The following MAPK8IP1 variants were observed in gnomAD, a reference collection of about 807,000 sequenced individuals.
The protein encoded by MAPK8IP1 is mitogen-activated protein kinase 8 interacting protein 1.
A neutral mutation model predicts 72.6 loss-of-function variants in MAPK8IP1; 17 were observed. That is an observed-to-expected ratio of 0.23 (90% CI 0.16 to 0.35). MAPK8IP1 has a LOEUF of 0.35. MAPK8IP1 is among the 10% of genes least tolerant of loss of function. The probability of loss-of-function intolerance (pLI) is 1.00; values close to 1 mark genes in which losing one functional copy is unlikely to be tolerated. For missense variants in MAPK8IP1, 789 were observed against 1,009.7 expected, an observed-to-expected ratio of 0.78 and a Z score of 2.96; for synonymous variants, 401 against 443.4, an observed-to-expected ratio of 0.90 and a Z score of 1.20.
At chr11:45,891,662 C>CT (rs1205685164) in intron 1 of MAPK8IP1, among the ~76,000 whole-genome samples, 1 of 152,238 alleles carries the variant, frequency 6.6e-6, no homozygotes, top group Non-Finnish European at 1.5e-5. Flanking sequence ...TCTCACAACT[C>CT]TGTGTCCATG....
In MAPK8IP1 at chr11:45,906,092, C is replaced by A; in HGVS notation, c.*371C>A. On this transcript the variant is annotated 3_prime_UTR_variant, in exon 12 of 12. Transcript: ENST00000241014. ...CGCTGTGGCTCCTGCCTTGATGAAG[C>A]CCGTGTCCTGCCTTGATGAAGCCTG... is the stretch of plus-strand genomic sequence containing the variant. The A allele has an allele frequency of 2.3e-6, 1 of 432,806 alleles. No homozygotes were observed. The highest frequency in any genetic ancestry group is 4.2e-6 in the Non-Finnish European group (1 of 235,302). 26.8% of individuals were successfully genotyped at this position (432,806 alleles called of 1,614,324 possible).
In MAPK8IP1 at chr11:45,903,731, A is replaced by T. The variant is rs1422054210; in HGVS notation, c.1494-258A>T. The stretch of plus-strand genomic sequence containing the variant: ...CACCCCACCTGACCCTTCTCTAGAC[A>T]AAAGCCTGCGCTTCCCACAGCCTCT... On this transcript the variant is annotated intron_variant, in intron 6 of 11. Transcript: ENST00000241014. The surrounding 1 kb of genome is among the most constrained non-coding windows in gnomAD (Gnocchi z 6.4). Among the ~76,000 whole-genome samples, 1 of 151,980 alleles carries T rather than the reference A, an allele frequency of 6.6e-6. No homozygotes were observed. The highest frequency in any genetic ancestry group is 1.5e-5 in the Non-Finnish European group (1 of 67,962).
chr11:45,892,144 A>C (rs1222166309), intron 1 of MAPK8IP1, among the ~76,000 whole-genome samples: 1 of 152,160 alleles, frequency 6.6e-6, no homozygotes, highest in Non-Finnish European at 1.5e-5. Flanking sequence ...CCCAAAGAAC[A>C]AACCCAGCCC....
At chr11:45,889,238 A>C (rs1054967491) in intron 1 of MAPK8IP1, among the ~76,000 whole-genome samples, 11 of 152,194 alleles carry the variant, frequency 7.2e-5, no homozygotes, top group African/African-American at 2.2e-4. Flanking sequence ...CAAAGTTTTG[A>C]TTACAACCTG....
At position 45,904,426 on chromosome 11, in the gene MAPK8IP1, C is replaced by G; in HGVS notation, c.1667-29C>G. ...GCTCAGCTCCCTCCTGCTCTTTCTG[C>G]CCCTCCTCAATTCACGCTTGCTTTC... On this transcript the variant is annotated intron_variant, in intron 7 of 11. Coordinates refer to ENST00000241014, the MANE Select transcript of MAPK8IP1 (RefSeq NM_005456.4). This position sits in a 1 kb window ranked among gnomAD's most constrained non-coding sequence, Gnocchi z 6.4. The G allele has an allele frequency of 6.4e-7, 1 of 1,571,034 alleles. No homozygotes were observed. The highest frequency in any genetic ancestry group is 2.2e-5 in the East Asian group (1 of 44,690).
At position 45,905,830 on chromosome 11, in the gene MAPK8IP1, G is replaced by A. The variant is rs1345041935; in HGVS notation, c.*109G>A. The A allele has an allele frequency of 1.8e-6, 2 of 1,111,156 alleles. No homozygotes were observed. The highest frequency in any genetic ancestry group is 4.7e-5 in the East Asian group (2 of 42,590). 68.8% of individuals were successfully genotyped at this position (1,111,156 alleles called of 1,614,324 possible). On this transcript the variant is annotated 3_prime_UTR_variant, in exon 12 of 12. Coordinates refer to ENST00000241014, the MANE Select transcript of MAPK8IP1 (RefSeq NM_005456.4). ...AGGAGGGGCACCTGCCACCGCCAGA[G>A]GACAAGGAAGTGGGGGCCGCTGGCC... is the stretch of plus-strand genomic sequence containing the variant.
rs111694968 is a variant in MAPK8IP1, at chr11:45,904,274, A to T, written c.1666+113A>T. 8,425 of 1,325,540 alleles carry T rather than the reference A, an allele frequency of 6.4e-3. 262 individuals carry two copies. In the African/African-American group the frequency reaches 0.084, roughly 13 times the overall value. The allele number at this position is 1,325,540 out of a possible 1,614,324, so 82.1% of individuals were successfully genotyped here. A position where few individuals can be genotyped will look rare whatever the true frequency, so the allele number is the denominator to read the frequency against. The stretch of plus-strand genomic sequence containing the variant: ...GCCAGCCAGGTGGGGGGCTGAGTGG[A>T]AGTGATTTTAGGTCCTTTTCACGAT... On this transcript the variant is annotated intron_variant, in intron 7 of 11. Transcript: ENST00000241014. This position sits in a 1 kb window ranked among gnomAD's most constrained non-coding sequence, Gnocchi z 6.4.
chr11:45,893,101 C>CAGG (rs1194146833), intron 1 of MAPK8IP1, among the ~76,000 whole-genome samples: 1 of 152,222 alleles, frequency 6.6e-6, no homozygotes, highest in Admixed American at 6.5e-5. Flanking sequence ...ACAGCACAGC[C>CAGG]AGGAACACAA....
intron 1 of MAPK8IP1, among the ~76,000 whole-genome samples, chr11:45,888,783 T>C (rs568229921): frequency 5.3e-5 from 8 of 152,154 alleles, no homozygotes; most frequent in African/African-American, 1.4e-4. Flanking sequence ...CACTGCAACC[T>C]CTGTATTCTG....
rs753363687 is a variant in MAPK8IP1, at chr11:45,905,267, T to C, written c.2063+18T>C. 1.2e-5 allele frequency: 20 copies of C among 1,606,666 alleles called. No homozygotes were observed. The South Asian group carries it at 2.1e-4, about 17-fold the overall frequency. Reference sequence around the variant, plus strand: ...TCCGTGGGGTACGTGTACACCCTGCTGAGCACCCAGCCCGAGGGAGCACGC... The same window carrying C: ...TCCGTGGGGTACGTGTACACCCTGCCGAGCACCCAGCCCGAGGGAGCACGC... On this transcript the variant is annotated intron_variant, in intron 11 of 11. Transcript: ENST00000241014.
rs574053212 is a variant in MAPK8IP1 at position 45,902,095 on chromosome 11, C to A, written c.604+34C>A. Reference sequence around the variant, plus strand: ...GGGCCCTCTTCCTTACCTGGACCTCCGCCTGCCCTGACTCAGTCCCCACTA... The same window carrying A: ...GGGCCCTCTTCCTTACCTGGACCTCAGCCTGCCCTGACTCAGTCCCCACTA... On this transcript the variant is annotated intron_variant, in intron 4 of 11. Transcript: ENST00000241014. The surrounding 1 kb of genome is among the most constrained non-coding windows in gnomAD (Gnocchi z 9.3). 6.4e-7 allele frequency: 1 copy of A among 1,571,024 alleles called. No homozygotes were observed. The highest frequency in any genetic ancestry group is 8.8e-7 in the Non-Finnish European group (1 of 1,140,762).
chr11:45,904,265 G>A lies in MAPK8IP1; in HGVS notation c.1666+104G>A. On this transcript the variant is annotated intron_variant, in intron 7 of 11. Coordinates refer to ENST00000241014, the MANE Select transcript of MAPK8IP1 (RefSeq NM_005456.4). This position sits in a 1 kb window ranked among gnomAD's most constrained non-coding sequence, Gnocchi z 6.4. ...CAGATCTCAGCCAGCCAGGTGGGGG[G>A]CTGAGTGGAAGTGATTTTAGGTCCT... The A allele has an allele frequency of 2.2e-6, 3 of 1,366,862 alleles. No individual in the cohort carries two copies. The highest frequency in any genetic ancestry group is 3.1e-6 in the Non-Finnish European group (3 of 978,250). The allele number at this position is 1,366,862 out of a possible 1,614,324, so 84.7% of individuals were successfully genotyped here.
intron 3 of MAPK8IP1, among the ~76,000 whole-genome samples, chr11:45,901,139 G>A (rs3789023): frequency 0.55 from 83,487 of 151,882 alleles, 27,330 homozygotes; most frequent in Non-Finnish European, 0.74. Flanking sequence ...GAGGTGGGGC[G>A]GCTGGGGCTG....
chr11:45,900,509 G>A lies in MAPK8IP1; in HGVS notation c.522+57G>A, dbSNP rs1175416668. 1 of 1,513,414 alleles carries A rather than the reference G, an allele frequency of 6.6e-7. No homozygotes were observed. The highest frequency in any genetic ancestry group is 8.8e-7 in the Non-Finnish European group (1 of 1,134,536). The allele number at this position is 1,513,414 out of a possible 1,614,324, so 93.7% of individuals were successfully genotyped here. On this transcript the variant is annotated intron_variant, in intron 3 of 11. Transcript: ENST00000241014. The surrounding 1 kb of genome is among the most constrained non-coding windows in gnomAD (Gnocchi z 6.5). ...GGCCGCCGCGGAGATGTGAGGGGGA[G>A]CGCAGAGGGGCTGCAGCGGGAAGGG...
At chr11:45,895,065 G>A (rs1195569334) in intron 1 of MAPK8IP1, among the ~76,000 whole-genome samples, 2 of 152,208 alleles carry the variant, frequency 1.3e-5, no homozygotes, top group Non-Finnish European at 2.9e-5. Context: ...CAGTGCCCAC[G>A]CAGACTACGC....
rs778008457 is a variant in MAPK8IP1 at position 45,904,371 on chromosome 11, C to T, written c.1667-84C>T. ...AGCCTCTGTGGGCTCTGCCATTCCC[C>T]GTGCCTCACCCACCCTCCTTCACTT... On this transcript the variant is annotated intron_variant, in intron 7 of 11. Transcript: ENST00000241014. This position sits in a 1 kb window ranked among gnomAD's most constrained non-coding sequence, Gnocchi z 6.4. 49 of 1,260,344 alleles carry T rather than the reference C, an allele frequency of 3.9e-5. No individual in the cohort carries two copies. Among genetic ancestry groups the T allele is most frequent in the Middle Eastern group, 5.2e-4 (2 of 3,842 alleles). The allele number at this position is 1,260,344 out of a possible 1,614,324, so 78.1% of individuals were successfully genotyped here.
intron 1 of MAPK8IP1, chr11:45,897,039 G>T (rs1026970081): frequency 1.6e-5 from 23 of 1,423,264 alleles, no homozygotes; most frequent in Middle Eastern, 2.2e-4. Context: ...GAGGCGAGTG[G>T]CAGGGAGTCT....
intron 1 of MAPK8IP1, among the ~76,000 whole-genome samples, chr11:45,887,206 A>T (rs1178674639): frequency 6.6e-6 from 1 of 152,174 alleles, no homozygotes; most frequent in African/African-American, 2.4e-5. Context: ...CTGGGTTCAA[A>T]TCCTAGCTCC....
At chr11:45,886,239 G>C (rs1055673546) in intron 1 of MAPK8IP1, among the ~76,000 whole-genome samples, 1 of 152,252 alleles carries the variant, frequency 6.6e-6, no homozygotes, top group African/African-American at 2.4e-5. Context: ...GTCTGGGGTC[G>C]GGGTTGCGAT....
Sources: gnomAD v4.1 joint callset for allele counts (sites outside exome capture counted in the v4.1 genomes callset) on GRCh38, gnomAD v4.1.1 for gene constraint, Gnocchi (gnomAD v3.1) non-coding constraint, MANE v1.5 for transcripts, NCBI Gene and HGNC (gene_info 2026-07-23, HGNC 2026-07-21) for gene names.